Variants in AFAP1L2 observed in about 807,000 individuals in gnomAD.
AFAP1L2 encodes the protein actin filament associated protein 1 like 2.
A neutral mutation model predicts 99.3 loss-of-function variants in AFAP1L2; 46 were observed. The ratio of observed to expected loss-of-function variants is 0.46; its 90% CI spans 0.37 to 0.59. The LOEUF (loss-of-function observed/expected upper bound fraction) is 0.59. AFAP1L2 is among the 20% of genes least tolerant of loss of function. The pLI is 0.00. For synonymous variants in AFAP1L2, 397 were observed against 419.1 expected (o/e 0.95, Z 0.64); for missense variants, 959 against 1,034.9 (o/e 0.93, Z 1.01).
At chr10:114,306,128 T>C (rs1589994909) in intron 10 of AFAP1L2, among the ~76,000 whole-genome samples, 2 of 28,454 alleles carry the variant, frequency 7.0e-5, no homozygotes, top group Non-Finnish European at 1.3e-4. Context: ...CCTGGAGGGA[T>C]GCAGGTGCAG....
chr10:114,313,495 A>G (rs1156900705), intron 7 of AFAP1L2, among the ~76,000 whole-genome samples: 1 of 152,168 alleles, frequency 6.6e-6, no homozygotes, highest in East Asian at 1.9e-4. Context: ...AAATGGGGAC[A>G]TGAACATTCC....
At chr10:114,287,339 C>A in the AFAP1L2 span, among the ~76,000 whole-genome samples, 1 of 152,066 alleles carries the variant, frequency 6.6e-6, no homozygotes, top group Non-Finnish European at 1.5e-5. Context: ...CACCACCATG[C>A]CCAGCTAATT....
the AFAP1L2 span, chr10:114,286,459 G>C: frequency 1.2e-6 from 2 of 1,606,660 alleles, 1 homozygote; most frequent in Admixed American, 3.3e-5. Context: ...CTCAGGATCT[G>C]TTCAACCAAA....
intron 10 of AFAP1L2, among the ~76,000 whole-genome samples, chr10:114,305,493 G>A (rs1388988933): frequency 3.8e-5 from 5 of 132,552 alleles, no homozygotes; most frequent in Admixed American, 1.5e-4. Flanking sequence ...GAGGGGACGG[G>A]GCTGCAGGAG....
At chr10:114,313,657 T>C (rs1285634211) in intron 7 of AFAP1L2, among the ~76,000 whole-genome samples, 4 of 152,184 alleles carry the variant, frequency 2.6e-5, no homozygotes, top group African/African-American at 9.7e-5. Flanking sequence ...GGATTTCAAC[T>C]GCACCCAAGT....
intron 1 of AFAP1L2, among the ~76,000 whole-genome samples, chr10:114,349,868 C>T (rs1448184956): frequency 2.0e-5 from 3 of 152,182 alleles, no homozygotes; most frequent in African/African-American, 7.2e-5. Context: ...CCCGCCAAGC[C>T]TGGCCTGCAA....
chr10:114,393,637 A>T (rs776648451), intron 1 of AFAP1L2: 10 of 152,158 alleles, frequency 6.6e-5, no homozygotes, highest in Non-Finnish European at 1.2e-4. Flanking sequence ...CTTTGTAAGG[A>T]TCTGATCTCA....
At chr10:114,302,261 CCT>C in intron 12 of AFAP1L2, 76 bp downstream of exon 12, 2 of 1,591,622 alleles carry the variant, frequency 1.3e-6, no homozygotes, top group Non-Finnish European at 1.7e-6. Context: ...CCCTGCTGCC[CCT>C]GACTCTGGCT....
At chr10:114,402,527 T>C (rs1420991281) in intron 1 of AFAP1L2, among the ~76,000 whole-genome samples, 4 of 152,196 alleles carry the variant, frequency 2.6e-5, no homozygotes, top group Non-Finnish European at 5.9e-5. Context: ...CACTTATCAC[T>C]CTGTGTCTGG....
chr10:114,385,395 T>C (rs752116001), intron 1 of AFAP1L2, among the ~76,000 whole-genome samples: 1 of 152,154 alleles, frequency 6.6e-6, no homozygotes, highest in Non-Finnish European at 1.5e-5. Flanking sequence ...GGACTTGACA[T>C]CCTGGTTAAC....
Position 114,302,326 on chromosome 10 carries a change from C to T in AFAP1L2, c.1430+13G>A, listed in dbSNP as rs755073770. 44 of 1,613,970 alleles carry T rather than the reference C, an allele frequency of 2.7e-5. No individual in the cohort carries two copies. The highest frequency in any genetic ancestry group is 1.0e-4 in the Admixed American group (6 of 60,000). ...ATAAGAGAGTGTACGGAGGAAGGGT[C>T]CAAATTACTCACAAGAGAGAGTTTT... On this transcript the variant is annotated intron_variant, in intron 12 of 18. Coordinates refer to ENST00000304129, the MANE Select transcript of AFAP1L2 (RefSeq NM_001001936.3).
intron 1 of AFAP1L2, among the ~76,000 whole-genome samples, chr10:114,370,097 G>A (rs993701965): frequency 4.6e-5 from 7 of 152,148 alleles, no homozygotes; most frequent in African/African-American, 1.7e-4. Context: ...AGTGTCTCAA[G>A]TTTTCTCCAA....
chr10:114,398,259 G>T (rs1032144051), intron 1 of AFAP1L2, among the ~76,000 whole-genome samples: 1 of 152,232 alleles, frequency 6.6e-6, no homozygotes, highest in East Asian at 1.9e-4. Flanking sequence ...TCAGAGAAAA[G>T]TCAGGCAGGG....
intron 1 of AFAP1L2, among the ~76,000 whole-genome samples, chr10:114,355,544 G>C (rs1343007213): frequency 6.9e-6 from 1 of 145,392 alleles, no homozygotes; most frequent in Non-Finnish European, 1.5e-5. Context: ...AGCACTGGTA[G>C]CTTAAAAAAA....
chr10:114,362,696 A>C (rs1272298499), intron 1 of AFAP1L2, among the ~76,000 whole-genome samples: 1 of 152,154 alleles, frequency 6.6e-6, no homozygotes, highest in East Asian at 1.9e-4. Context: ...CGGAAAATTA[A>C]TACACCCCCA....
At chr10:114,326,023 G>GT (rs1554901644) in intron 4 of AFAP1L2, 1 of 1,189,090 alleles carries the variant, frequency 8.4e-7, no homozygotes, top group Non-Finnish European at 1.1e-6. Flanking sequence ...CCGAGATCTG[G>GT]CCCAAGGTCA....
intron 12 of AFAP1L2, chr10:114,301,974 C>T (rs2041276683): frequency 3.7e-6 from 1 of 269,656 alleles, no homozygotes; most frequent in Admixed American, 4.8e-5. Flanking sequence ...AACAGAAGCA[C>T]CACCCCCTGA....
chr10:114,399,976 C>G (rs2058085557), intron 1 of AFAP1L2, among the ~76,000 whole-genome samples: 1 of 152,200 alleles, frequency 6.6e-6, no homozygotes, highest in Non-Finnish European at 1.5e-5. Context: ...GAAACTGAGG[C>G]CTGGAGAGCT....
chr10:114,324,317 C>A (rs2045866983), intron 4 of AFAP1L2, among the ~76,000 whole-genome samples: 1 of 152,024 alleles, frequency 6.6e-6, no homozygotes, highest in African/African-American at 2.4e-5. Flanking sequence ...AATCTCGGCT[C>A]ACTGCAACCT....
Sources: gnomAD v4.1 joint callset for allele counts (sites outside exome capture counted in the v4.1 genomes callset) on GRCh38, gnomAD v4.1.1 for gene constraint, MANE v1.5 for transcripts, NCBI Gene and HGNC (gene_info 2026-07-23, HGNC 2026-07-21) for gene names.